Variants in BRD10 observed in about 807,000 individuals in gnomAD.
The protein encoded by BRD10 is uncharacterized bromodomain-containing protein 10.
At chr9:5,905,020 G>A in the BRD10 span, among the ~76,000 whole-genome samples, 5 of 151,760 alleles carry the variant, frequency 3.3e-5, no homozygotes, top group African/African-American at 1.2e-4. Context: ...TGATCCACAC[G>A]CCTTGACCTC....
the BRD10 span, among the ~76,000 whole-genome samples, chr9:5,987,986 G>A: frequency 2.0e-5 from 3 of 152,122 alleles, no homozygotes; most frequent in African/African-American, 7.2e-5. Context: ...TGTCATGCTT[G>A]AACTACATAA....
the BRD10 span, among the ~76,000 whole-genome samples, chr9:5,939,820 C>T: frequency 2.0e-5 from 3 of 152,312 alleles, no homozygotes; most frequent in South Asian, 6.2e-4. Flanking sequence ...GTAGGATGTT[C>T]AGCAGCAACA....
At chr9:5,892,536 A>G in the BRD10 span, 5 of 1,613,344 alleles carry the variant, frequency 3.1e-6, no homozygotes, top group Non-Finnish European at 4.2e-6. Context: ...GGCCACTCTT[A>G]CACCACGGCT....
the BRD10 span, among the ~76,000 whole-genome samples, chr9:5,996,305 TG>T: frequency 3.1e-5 from 1 of 31,972 alleles, no homozygotes; most frequent in Non-Finnish European, 5.3e-4. Flanking sequence ...CCATGTAACT[TG>T]GTTTTTTTTT....
chr9:5,986,871 T>G, the BRD10 span, among the ~76,000 whole-genome samples: 3 of 152,226 alleles, frequency 2.0e-5, no homozygotes, highest in African/African-American at 7.2e-5. Context: ...CATTATCATA[T>G]TAAACAATTT....
At chr9:6,000,606 T>C in the BRD10 span, among the ~76,000 whole-genome samples, 6,256 of 152,288 alleles carry the variant, frequency 0.041, 329 homozygotes, top group South Asian at 0.13. Flanking sequence ...GACATTTTTA[T>C]TGTCTTAATT....
chr9:5,923,214 T>C, the BRD10 span: 12 of 1,614,032 alleles, frequency 7.4e-6, no homozygotes, highest in Non-Finnish European at 9.3e-6. Flanking sequence ...TTAAGTGTTT[T>C]AAGCAGTGTC....
chr9:5,913,647 TC>T, the BRD10 span, among the ~76,000 whole-genome samples: 1 of 152,206 alleles, frequency 6.6e-6, no homozygotes, highest in African/African-American at 2.4e-5. Context: ...TTGCCTGTCT[TC>T]TTTAGCAAAA....
the BRD10 span, among the ~76,000 whole-genome samples, chr9:5,905,817 C>T: frequency 6.6e-6 from 1 of 152,136 alleles, no homozygotes; most frequent in East Asian, 1.9e-4. Flanking sequence ...AAATCATAAC[C>T]CAACCACCTC....
chr9:5,978,024 T>G, the BRD10 span, among the ~76,000 whole-genome samples: 2 of 152,218 alleles, frequency 1.3e-5, no homozygotes, highest in Non-Finnish European at 2.9e-5. Context: ...ACCAAAAGGC[T>G]GCCTAAGGAT....
chr9:5,955,620 TG>T, the BRD10 span, among the ~76,000 whole-genome samples: 1 of 149,650 alleles, frequency 6.7e-6, no homozygotes, highest in African/African-American at 2.6e-5. Flanking sequence ...ATGTATACTA[TG>T]ACTGAACTGC....
chr9:5,903,637 T>G, the BRD10 span, among the ~76,000 whole-genome samples: 1 of 152,212 alleles, frequency 6.6e-6, no homozygotes, highest in African/African-American at 2.4e-5. Flanking sequence ...CTATTTTTCC[T>G]TGCAGTTCTA....
chr9:5,982,330 G>A, the BRD10 span, among the ~76,000 whole-genome samples: 5 of 152,042 alleles, frequency 3.3e-5, no homozygotes, highest in Admixed American at 2.0e-4. Context: ...AAACAAATGA[G>A]ATGATCCCTA....
the BRD10 span, among the ~76,000 whole-genome samples, chr9:5,980,201 C>G: frequency 6.6e-6 from 1 of 152,068 alleles, no homozygotes; most frequent in Admixed American, 6.5e-5. Flanking sequence ...TTAATCAGCT[C>G]TTTCACTCAA....
At chr9:5,897,270 C>A in the BRD10 span, among the ~76,000 whole-genome samples, 7 of 152,176 alleles carry the variant, frequency 4.6e-5, no homozygotes, top group African/African-American at 1.7e-4. Context: ...CACATAAAGA[C>A]CAGTTACTAT....
the BRD10 span, chr9:5,921,477 C>T: frequency 5.0e-6 from 8 of 1,613,928 alleles, no homozygotes; most frequent in African/African-American, 1.3e-5. Context: ...TTAATAAAAA[C>T]TAATTTCTGG....
At chr9:5,995,324 C>G in the BRD10 span, among the ~76,000 whole-genome samples, 2 of 152,218 alleles carry the variant, frequency 1.3e-5, no homozygotes, top group African/African-American at 4.8e-5. Context: ...TTCTCAAAAA[C>G]CAAAATTATC....
At chr9:5,882,948 G>GAATTGAACA in the BRD10 span, among the ~76,000 whole-genome samples, 1 of 152,088 alleles carries the variant, frequency 6.6e-6, no homozygotes, top group Non-Finnish European at 1.5e-5. Flanking sequence ...TCACAGGTGG[G>GAATTGAACA]AATTGAACAA....
At chr9:5,953,696 A>G in the BRD10 span, among the ~76,000 whole-genome samples, 4 of 151,794 alleles carry the variant, frequency 2.6e-5, no homozygotes, top group Middle Eastern at 3.4e-3. Flanking sequence ...ATATATATAC[A>G]TACACACACA....
Sources: allele counts gnomAD v4.1 joint callset (sites outside exome capture counted in the v4.1 genomes callset), GRCh38; gene constraint gnomAD v4.1.1; transcripts MANE v1.5; gene names NCBI Gene and HGNC (gene_info 2026-07-23, HGNC 2026-07-21).